MIA: variants seen among roughly 807,000 people sequenced by gnomAD.
MIA encodes the protein melanoma-derived growth regulatory protein.
Under a neutral mutation model 18.5 loss-of-function variants are expected in MIA, and 18 were observed. The observed-to-expected ratio is 0.97, with a 90% confidence interval of 0.67 to 1.44. MIA has a LOEUF of 1.44. Among genes scored for constraint, MIA ranks in the 40% most tolerant of loss-of-function variants. MIA has a pLI of 0.00. For synonymous variants in MIA, 55 were observed against 64.9 expected (o/e 0.85, Z 0.74); for missense variants, 158 against 172.4 (o/e 0.92, Z 0.47).
At chr19:40,776,830 G>C (rs1283959954) in intron 2 of MIA, 139 bp from the exon 3 acceptor site, 1 of 611,420 alleles carries the variant, frequency 1.6e-6, no homozygotes, top group South Asian at 2.0e-5. Flanking sequence ...CCTCTGAACA[G>C]GTGGCATTTA....
chr19:40,776,006 T>G, intron 2 of MIA, 121 bp downstream of exon 2: 1 of 1,309,384 alleles, frequency 7.6e-7, no homozygotes, highest in Non-Finnish European at 1.0e-6. Context: ...TATTGTTACT[T>G]ACTTTATTTT....
chr19:40,775,383 G>A (rs2082988040), upstream of MIA: 39 of 1,132,440 alleles, frequency 3.4e-5, no homozygotes, highest in South Asian at 5.0e-4. Flanking sequence ...AATGGTTCTG[G>A]TTTCATAGCA....
chr19:40,775,769 G>C lies in MIA; in HGVS notation c.145G>C (p.Val49Leu). ...TTCCCTAGACCCTATCTCCATGGCT[G>C]TGGCCCTTCAGGACTACATGGCCCC... ...QECSHPISMA[V>L]ALQDYMAPDC... is the part of the protein sequence containing the mutation. Residue 49 changes from valine to leucine, a missense_variant, in exon 2 of 4, where the codon GTG becomes CTG. Physicochemically the swap from Val to Leu is conservative, Grantham distance 32 (BLOSUM62 1). Coordinates refer to ENST00000263369, the MANE Select transcript of MIA (RefSeq NM_006533.4). 2 of 1,614,152 alleles carry C rather than the reference G, an allele frequency of 1.2e-6. No homozygotes were observed. Among genetic ancestry groups the C allele is most frequent in the South Asian group, 2.2e-5 (2 of 91,080 alleles).
At position 40,775,758 on chromosome 19, in the gene MIA, T is replaced by A; in HGVS notation, c.134T>A (p.Ile45Asn). 6.2e-7 allele frequency: 1 copy of A among 1,614,040 alleles called. No individual in the cohort carries two copies. The highest frequency in any genetic ancestry group is 8.5e-7 in the Non-Finnish European group (1 of 1,180,000). The change falls in exon 2 of 4, where the codon ATC becomes AAC. Residue 45 changes from isoleucine to asparagine, a missense_variant. Coordinates refer to ENST00000263369, the MANE Select transcript of MIA (RefSeq NM_006533.4). ...CCTTCTATTCCTTCCCTAGACCCTA[T>A]CTCCATGGCTGTGGCCCTTCAGGAC... ...LCADQECSHP[I>N]SMAVALQDYM... is the part of the protein sequence containing the mutation.
upstream of MIA, chr19:40,775,441 CAA>C (rs1025153799): frequency 1.9e-6 from 3 of 1,570,788 alleles, no homozygotes; most frequent in Non-Finnish European, 1.7e-6. Context: ...AGGGCGGGGA[CAA>C]GACCAAGAAC....
intron 2 of MIA, 137 bp downstream of exon 2, chr19:40,776,022 C>T (rs2082993557): frequency 7.9e-7 from 1 of 1,265,964 alleles, no homozygotes; most frequent in Admixed American, 2.8e-5. Context: ...ATTTTATTTG[C>T]TTATTATTTT....
At chr19:40,776,007 A>T in intron 2 of MIA, 122 bp downstream of exon 2, 1 of 1,310,878 alleles carries the variant, frequency 7.6e-7, no homozygotes, top group East Asian at 2.5e-5. Context: ...ATTGTTACTT[A>T]CTTTATTTTA....
chr19:40,775,969 T>A, intron 2 of MIA, 84 bp downstream of exon 2: 5 of 1,493,166 alleles, frequency 3.3e-6, no homozygotes, highest in Non-Finnish European at 4.6e-6. Flanking sequence ...TTGAGGGGGG[T>A]GAACTGAAAT....
Position 40,775,799 on chromosome 19 carries a change from T to TGCCGATTCCTGACC in MIA, c.176_189dup (p.Ile64AlafsTer4). On this transcript the variant is annotated frameshift_variant, in exon 2 of 4. Coordinates refer to ENST00000263369, the MANE Select transcript of MIA (RefSeq NM_006533.4). LOFTEE classifies it high-confidence loss of function. ...CCTTCAGGACTACATGGCCCCCGAC[T>TGCCGATTCCTGACC]GCCGATTCCTGACCATTCACCGGGG... 6.2e-7 allele frequency: 1 copy of TGCCGATTCCTGACC among 1,614,092 alleles called. No homozygotes were observed. The highest frequency in any genetic ancestry group is 8.5e-7 in the Non-Finnish European group (1 of 1,180,024).
chr19:40,776,756 TAATAA>T, intron 2 of MIA: 1 of 443,124 alleles, frequency 2.3e-6, no homozygotes, highest in Non-Finnish European at 4.1e-6. Flanking sequence ...ATAATAATAA[TAATAA>T]AAGCAAATAT....
At chr19:40,775,720 G>A (rs2082990908) in intron 1 of MIA, 32 bp from the exon 2 acceptor site, 2 of 1,614,010 alleles carry the variant, frequency 1.2e-6, no homozygotes, top group Non-Finnish European at 1.7e-6. Context: ...CCTGTGTGGA[G>A]GGTGCTGCAT....
chr19:40,777,280 A>G, intron 3 of MIA, 117 bp from the exon 4 acceptor site: 1 of 1,279,984 alleles, frequency 7.8e-7, no homozygotes. Context: ...GCTAATTTGC[A>G]TAGCACTTGT....
In MIA at chr19:40,777,438, C is replaced by T; in HGVS notation, c.*18C>T. On this transcript the variant is annotated 3_prime_UTR_variant, in exon 4 of 4. Transcript: ENST00000263369. ...GCCAGTGAGCTCAGCCTACCGCTGG[C>T]CCTGCCGTTTCCCCTCCTTGGCTTT... 6.2e-7 allele frequency: 1 copy of T among 1,612,834 alleles called. No homozygotes were observed. Among genetic ancestry groups the T allele is most frequent in the Non-Finnish European group, 8.5e-7 (1 of 1,179,062 alleles).
chr19:40,775,622 T>C lies in MIA; in HGVS notation c.80T>C (p.Met27Thr), dbSNP rs972843217. Reference sequence around the variant, plus strand: ...GGACCTGGTGTCAGGGGTGGTCCTATGCCCAAGCTGGCTGACCGGAAGCTG... The same window carrying C: ...GGACCTGGTGTCAGGGGTGGTCCTACGCCCAAGCTGGCTGACCGGAAGCTG... The part of the protein sequence containing the change: ...FSGPGVRGGP[M>T]PKLADRKLCA... The change falls in exon 1 of 4, where the codon ATG (methionine) becomes ACG (threonine). Residue 27 changes from methionine to threonine, a missense_variant. Coordinates refer to ENST00000263369, the MANE Select transcript of MIA (RefSeq NM_006533.4). 1.9e-6 allele frequency: 3 copies of C among 1,614,192 alleles called. No homozygotes were observed. The highest frequency in any genetic ancestry group is 1.7e-6 in the Non-Finnish European group (2 of 1,180,038).
At position 40,777,388 on chromosome 19, in the gene MIA, C is replaced by T; in HGVS notation, c.373-9C>T. 1 of 1,613,878 alleles carries T rather than the reference C, an allele frequency of 6.2e-7. No homozygotes were observed. Among genetic ancestry groups the T allele is most frequent in the Non-Finnish European group, 8.5e-7 (1 of 1,179,930 alleles). On this transcript the variant is annotated splice_polypyrimidine_tract_variant and intron_variant, in intron 3 of 3. Coordinates refer to ENST00000263369, the MANE Select transcript of MIA (RefSeq NM_006533.4). ...TTTCTTTCCACTGTTTCCCCTTTCT[C>T]TTTTTCAGAAATGGGATTTCTACTG... is the stretch of plus-strand genomic sequence containing the variant.
In MIA at chr19:40,777,381, C is replaced by T. The variant is rs777431704; in HGVS notation, c.373-16C>T. On this transcript the variant is annotated splice_polypyrimidine_tract_variant and intron_variant, in intron 3 of 3. Transcript: ENST00000263369. ...CGCTGGTTTTCTTTCCACTGTTTCCCCTTTCTCTTTTTCAGAAATGGGATT... is the reference window on the plus strand; with the variant it reads ...CGCTGGTTTTCTTTCCACTGTTTCCTCTTTCTCTTTTTCAGAAATGGGATT... The T allele has an allele frequency of 6.2e-7, 1 of 1,613,862 alleles. No homozygotes were observed. Among genetic ancestry groups the T allele is most frequent in the Non-Finnish European group, 8.5e-7 (1 of 1,179,894 alleles).
chr19:40,775,602 T>C lies in MIA; in HGVS notation c.60T>C (p.Pro20=), dbSNP rs1461747400. The C allele has an allele frequency of 6.2e-7, 1 of 1,614,118 alleles. No individual in the cohort carries two copies. The highest frequency in any genetic ancestry group is 2.2e-5 in the East Asian group (1 of 44,882). ...TCTTGCTGTCTGCCTTCTCCGGACC[T>C]GGTGTCAGGGGTGGTCCTATGCCCA... ...VIILLSAFSG[P]GVRGGPMPKL... is the part of the protein sequence containing the mutation. Residue 20 remains proline, a synonymous_variant, in exon 1 of 4, where the codon CCT becomes CCC. Coordinates refer to ENST00000263369, the MANE Select transcript of MIA (RefSeq NM_006533.4).
chr19:40,776,908 C>G (rs1291062352), intron 2 of MIA, 61 bp from the exon 3 acceptor site: 1 of 1,147,932 alleles, frequency 8.7e-7, no homozygotes, highest in African/African-American at 1.5e-5. Context: ...AATGCAAAGG[C>G]CTTCAGCAGG....
At position 40,775,548 on chromosome 19, in the gene MIA, C is replaced by G; in HGVS notation, c.6C>G (p.Ala2=). The G allele has an allele frequency of 6.2e-7, 1 of 1,614,112 alleles. No individual in the cohort carries two copies. The highest frequency in any genetic ancestry group is 8.5e-7 in the Non-Finnish European group (1 of 1,180,024). Residue 2 remains alanine (A), a synonymous_variant, in exon 1 of 4, where the codon GCC becomes GCG. Transcript: ENST00000263369. ...TCTCTTGCTCACAGTCCACGATGGC[C>G]CGGTCCCTGGTGTGCCTTGGTGTCA... M[A]RSLVCLGVII...
Sources: gnomAD v4.1 joint callset for allele counts on GRCh38, gnomAD v4.1.1 for gene constraint, MANE v1.5 for transcripts, NCBI Gene and HGNC (gene_info 2026-07-23, HGNC 2026-07-21) for gene names.